SVIL: variants seen among roughly 807,000 people sequenced by gnomAD.
SVIL encodes archvillin.
A neutral mutation model predicts 240.4 loss-of-function variants in SVIL; 101 were observed. The ratio of observed to expected loss-of-function variants is 0.42; its 90% CI spans 0.36 to 0.50. The LOEUF is 0.50. SVIL is among the 20% of genes least tolerant of loss of function. The pLI is 0.01. For synonymous variants in SVIL, 999 were observed against 1,100.0 expected (o/e 0.91, Z 1.82); for missense variants, 2,512 against 2,818.7 (o/e 0.89, Z 2.46).
rs113787766 is a variant in SVIL, at chr10:29,512,734, C to A, written c.3516+1G>T. Reference sequence around the variant, plus strand: ...GCTTTTCCTAACATGGGGAATGTTACCTTCTTGATGAGGGACCGCCCTGCT... The same window carrying A: ...GCTTTTCCTAACATGGGGAATGTTAACTTCTTGATGAGGGACCGCCCTGCT... On this transcript the variant is annotated splice_donor_variant, in intron 17 of 37. Coordinates refer to ENST00000355867, the MANE Select transcript of SVIL (RefSeq NM_021738.3). LOFTEE classifies it high-confidence loss of function. 6.2e-7 allele frequency: 1 copy of A among 1,614,152 alleles called. No homozygotes were observed. Among genetic ancestry groups the A allele is most frequent in the Non-Finnish European group, 8.5e-7 (1 of 1,180,048 alleles).
Position 29,585,809 on chromosome 10 carries a change from C to G in SVIL, c.-200-16497G>C, listed in dbSNP as rs115803339. 6.8e-3 allele frequency among the ~76,000 whole-genome samples: 1,040 copies of G among 152,322 alleles called. 14 individuals are homozygous for G. The highest frequency in any genetic ancestry group is 0.024 in the African/African-American group (1,000 of 41,572). ...GGAGCAGTCAGGAGTCAGAGTGAGC[C>G]GCGGTTCGCGTCTGTCTTCCCGGCA... On this transcript the variant is annotated intron_variant, in intron 1 of 37. Transcript: ENST00000355867.
chr10:29,710,753 A>G (rs1196943279), intron 1 of SVIL, among the ~76,000 whole-genome samples: 1 of 152,222 alleles, frequency 6.6e-6, no homozygotes, highest in Non-Finnish European at 1.5e-5. Context: ...TACCAATCAT[A>G]GTAAAGACAT....
chr10:29,629,826 T>C (rs1322274133), intron 1 of SVIL, among the ~76,000 whole-genome samples: 1 of 147,862 alleles, frequency 6.8e-6, no homozygotes, highest in East Asian at 1.9e-4. Context: ...AATTTTTTTT[T>C]TTAATTAGCT....
At chr10:29,709,980 G>A (rs1034606863) in intron 1 of SVIL, among the ~76,000 whole-genome samples, 2 of 152,144 alleles carry the variant, frequency 1.3e-5, no homozygotes, top group Admixed American at 1.3e-4. Context: ...GGGTGCGCGA[G>A]AGGCAGCCAC....
chr10:29,459,146 G>A (rs1228636335), intron 36 of SVIL, among the ~76,000 whole-genome samples: 1 of 152,104 alleles, frequency 6.6e-6, no homozygotes, highest in Non-Finnish European at 1.5e-5. Context: ...GTGTCTCACT[G>A]TAACCCAGGC....
intron 1 of SVIL, among the ~76,000 whole-genome samples, chr10:29,700,459 T>C (rs1962420426): frequency 7.0e-6 from 1 of 143,408 alleles, no homozygotes; most frequent in South Asian, 2.3e-4. Context: ...AAGAAATTCT[T>C]ACTATTTCCT....
rs1453448917 is a variant in SVIL at position 29,512,880 on chromosome 10, C to T, written c.3390-19G>A. 1.1e-5 allele frequency: 17 copies of T among 1,607,270 alleles called. No homozygotes were observed. Among genetic ancestry groups the T allele is most frequent in the Admixed American group, 1.0e-4 (6 of 59,902 alleles). On this transcript the variant is annotated intron_variant, in intron 16 of 37. Transcript: ENST00000355867. ...TGCCAATCTAGGAGGAAAACATGCC[C>T]GCCACAAAGAGTTCAGCACCAAACT... is the stretch of plus-strand genomic sequence containing the variant.
chr10:29,648,858 C>T (rs1225619313), intron 3 of SVIL, among the ~76,000 whole-genome samples: 2 of 151,370 alleles, frequency 1.3e-5, no homozygotes, highest in Non-Finnish European at 2.9e-5. Context: ...GTTTCTTGGG[C>T]TGGGCATAGA....
chr10:29,531,039 T>C (rs1951326192), intron 10 of SVIL, among the ~76,000 whole-genome samples: 2 of 152,242 alleles, frequency 1.3e-5, no homozygotes, highest in South Asian at 4.1e-4. Flanking sequence ...TTTACATTGG[T>C]CACTGTATGA....
chr10:29,665,569 G>A (rs1357124645), intron 2 of SVIL, among the ~76,000 whole-genome samples: 1 of 152,138 alleles, frequency 6.6e-6, no homozygotes, highest in Non-Finnish European at 1.5e-5. Context: ...GCCGAGGCTG[G>A]TGGATCACGA....
At chr10:29,667,048 A>C (rs1363325837) in intron 2 of SVIL, among the ~76,000 whole-genome samples, 4 of 152,130 alleles carry the variant, frequency 2.6e-5, no homozygotes, top group Admixed American at 6.6e-5. Context: ...AAAAAGTGGC[A>C]CAGGTACTTT....
At chr10:29,552,126 A>G (rs1182881345) in intron 5 of SVIL, among the ~76,000 whole-genome samples, 5 of 63,076 alleles carry the variant, frequency 7.9e-5, no homozygotes, top group Non-Finnish European at 1.5e-4. Flanking sequence ...TCAAAAAACA[A>G]AACAAAAAAA....
intron 1 of SVIL, among the ~76,000 whole-genome samples, chr10:29,623,851 A>G (rs1360295624): frequency 6.6e-6 from 1 of 152,124 alleles, no homozygotes; most frequent in African/African-American, 2.4e-5. Context: ...ACTCCATCTC[A>G]AAAACAACAA....
At chr10:29,729,352 T>C (rs1054883008) in intron 1 of SVIL, among the ~76,000 whole-genome samples, 8 of 151,926 alleles carry the variant, frequency 5.3e-5, no homozygotes, top group African/African-American at 1.9e-4. Context: ...AGGAAAAAGT[T>C]TGATGGTATA....
rs369424268 is a variant in SVIL, at chr10:29,506,081, T to G, written c.3516+6654A>C. ...CTGTATTGGTTTTTAATTTTTTAAC[T>G]GTTGTATTGTTCTTTTTTATTGATT... is the stretch of plus-strand genomic sequence containing the variant. On this transcript the variant is annotated intron_variant, in intron 17 of 37. Transcript: ENST00000355867. 4.2e-4 allele frequency among the ~76,000 whole-genome samples: 64 copies of G among 152,362 alleles called. 1 individual carries two copies. Among genetic ancestry groups the G allele is most frequent in the African/African-American group, 1.5e-3 (64 of 41,578 alleles).
chr10:29,481,769 G>T (rs1199726810), intron 27 of SVIL, 41 bp from the exon 28 acceptor site: 13 of 1,594,704 alleles, frequency 8.2e-6, no homozygotes, highest in Non-Finnish European at 1.1e-5. Flanking sequence ...GACAGGAAAA[G>T]AACCAAGATG....
intron 2 of SVIL, among the ~76,000 whole-genome samples, chr10:29,659,499 C>T (rs1004516697): frequency 1.3e-5 from 2 of 152,236 alleles, no homozygotes; most frequent in East Asian, 1.9e-4. Context: ...AATTCCTTGG[C>T]GCTCATTTTT....
intron 1 of SVIL, among the ~76,000 whole-genome samples, chr10:29,701,940 G>A (rs145961491): frequency 1.4e-3 from 214 of 152,234 alleles, no homozygotes; most frequent in African/African-American, 4.9e-3. Context: ...TTGGGAGGCC[G>A]AGGCAGATGG....
At chr10:29,708,621 A>G (rs1367056447) in intron 1 of SVIL, among the ~76,000 whole-genome samples, 2 of 152,218 alleles carry the variant, frequency 1.3e-5, no homozygotes, top group African/African-American at 4.8e-5. Flanking sequence ...AAAAAATTTA[A>G]GAAAAGAAAA....
Sources: gnomAD v4.1 joint callset for allele counts (sites outside exome capture counted in the v4.1 genomes callset) on GRCh38, gnomAD v4.1.1 for gene constraint, MANE v1.5 for transcripts, NCBI Gene and HGNC (gene_info 2026-07-23, HGNC 2026-07-21) for gene names.